Variants in SORCS1 observed in about 807,000 individuals in gnomAD.
SORCS1 encodes the protein VPS10 domain-containing receptor SorCS1.
A neutral mutation model predicts 146.1 loss-of-function variants in SORCS1; 60 were observed. The ratio of observed to expected loss-of-function variants is 0.41; its 90% CI spans 0.33 to 0.51. SORCS1 has a LOEUF of 0.51. Among genes scored for constraint, SORCS1 ranks in the 20% least tolerant of loss-of-function variants. The pLI is 0.21. For synonymous variants in SORCS1, 637 were observed against 584.0 expected (o/e 1.09, Z -1.31); for missense variants, 1,352 against 1,487.6 (o/e 0.91, Z 1.50).
chr10:106,952,922 G>A (rs961130632), intron 2 of SORCS1, among the ~76,000 whole-genome samples: 1 of 151,920 alleles, frequency 6.6e-6, no homozygotes, highest in East Asian at 1.9e-4. Context: ...GTTTGAGGCT[G>A]TAGTAAGCTG....
intron 1 of SORCS1, among the ~76,000 whole-genome samples, chr10:107,025,245 A>C: frequency 1.3e-5 from 2 of 152,262 alleles, no homozygotes; most frequent in South Asian, 4.1e-4. Context: ...AATTTCTAAC[A>C]CTCCAGCTGA....
rs191388964 is a variant in SORCS1 at position 106,992,183 on chromosome 10, G to A, written c.559-35603C>T. Among the ~76,000 whole-genome samples, 10 of 152,184 alleles carry A rather than the reference G, an allele frequency of 6.6e-5. No homozygotes were observed. The East Asian group carries it at 1.4e-3, about 21-fold the overall frequency. ...TACACACCTCTCTCAAGCACTGTTCGTCATGAGCTTAAAAGCACAGGCATG... is the reference window on the plus strand; with the variant it reads ...TACACACCTCTCTCAAGCACTGTTCATCATGAGCTTAAAAGCACAGGCATG... On this transcript the variant is annotated intron_variant, in intron 1 of 25. Coordinates refer to ENST00000263054, the MANE Select transcript of SORCS1 (RefSeq NM_052918.5).
At chr10:107,093,201 G>C (rs1286364480) in intron 1 of SORCS1, among the ~76,000 whole-genome samples, 1 of 152,098 alleles carries the variant, frequency 6.6e-6, no homozygotes, top group Non-Finnish European at 1.5e-5. Flanking sequence ...ATGTATGACT[G>C]ATTTCCACAT....
At chr10:106,704,647 G>A (rs1415790082) in intron 8 of SORCS1, among the ~76,000 whole-genome samples, 2 of 152,246 alleles carry the variant, frequency 1.3e-5, no homozygotes, top group South Asian at 2.1e-4. Context: ...CCAAGACTGC[G>A]CCACTGCACT....
At chr10:107,175,726 C>G in the SORCS1 span, among the ~76,000 whole-genome samples, 1 of 152,092 alleles carries the variant, frequency 6.6e-6, no homozygotes, top group African/African-American at 2.4e-5. Context: ...TGTGAGCCAC[C>G]GTGCCCAGCC....
At chr10:107,145,594 A>C (rs1255836000) in intron 1 of SORCS1, among the ~76,000 whole-genome samples, 1 of 152,250 alleles carries the variant, frequency 6.6e-6, no homozygotes, top group Non-Finnish European at 1.5e-5. Context: ...AGCATAAATA[A>C]AATTTAAGCA....
chr10:107,035,289 A>C lies in SORCS1; in HGVS notation c.559-78709T>G, dbSNP rs968435479. 2.5e-3 allele frequency among the ~76,000 whole-genome samples: 373 copies of C among 150,460 alleles called. 2 individuals carry two copies. Among genetic ancestry groups the C allele is most frequent in the African/African-American group, 8.8e-3 (354 of 40,368 alleles). Reference sequence around the variant, plus strand: ...AAAAAAAAAAAACAACAAAAAAAAAAACACAGAAAAACTTCACATGTAACA... The same window carrying C: ...AAAAAAAAAAAACAACAAAAAAAAACACACAGAAAAACTTCACATGTAACA... On this transcript the variant is annotated intron_variant, in intron 1 of 25. Transcript: ENST00000263054.
chr10:106,783,656 A>C (rs1861062832), intron 3 of SORCS1, among the ~76,000 whole-genome samples: 1 of 152,240 alleles, frequency 6.6e-6, no homozygotes, highest in Admixed American at 6.5e-5. Flanking sequence ...TCTTGAACAA[A>C]TAAAGATAAT....
intron 2 of SORCS1, among the ~76,000 whole-genome samples, chr10:106,899,008 A>C (rs1951595340): frequency 6.6e-6 from 1 of 152,164 alleles, no homozygotes; most frequent in Non-Finnish European, 1.5e-5. Flanking sequence ...CATGGTCCTT[A>C]GTGGTTTACC....
At chr10:107,149,454 G>A (rs1968592970) in intron 1 of SORCS1, among the ~76,000 whole-genome samples, 1 of 152,116 alleles carries the variant, frequency 6.6e-6, no homozygotes, top group Non-Finnish European at 1.5e-5. Context: ...ACTGATTTGA[G>A]AAGCATGTCC....
intron 1 of SORCS1, among the ~76,000 whole-genome samples, chr10:107,020,028 G>A (rs928011588): frequency 6.6e-6 from 1 of 152,176 alleles, no homozygotes; most frequent in African/African-American, 2.4e-5. Context: ...AATGAGCCAA[G>A]GCCATCCCAC....
At chr10:106,693,072 T>A (rs1286757120) in intron 9 of SORCS1, among the ~76,000 whole-genome samples, 1 of 152,178 alleles carries the variant, frequency 6.6e-6, no homozygotes, top group African/African-American at 2.4e-5. Flanking sequence ...GAAACATAAA[T>A]TAACCCTGTG....
chr10:106,799,945 C>T (rs1369270777), intron 3 of SORCS1, among the ~76,000 whole-genome samples: 4 of 152,140 alleles, frequency 2.6e-5, no homozygotes, highest in East Asian at 1.9e-4. Context: ...CTTCAAGTTC[C>T]TGCAAGAAGC....
chr10:107,178,006 T>C, the SORCS1 span, among the ~76,000 whole-genome samples: 3 of 151,918 alleles, frequency 2.0e-5, no homozygotes, highest in South Asian at 2.1e-4. Context: ...TGTTGGAGCA[T>C]TGGGGGTGGG....
chr10:106,883,873 C>T (rs1178709541), intron 2 of SORCS1, among the ~76,000 whole-genome samples: 1 of 152,172 alleles, frequency 6.6e-6, no homozygotes, highest in Non-Finnish European at 1.5e-5. Context: ...GCAGGAAGAA[C>T]CTGGCTTGTT....
intron 24 of SORCS1, among the ~76,000 whole-genome samples, chr10:106,581,111 C>T (rs927081580): frequency 6.6e-6 from 1 of 152,170 alleles, no homozygotes; most frequent in African/African-American, 2.4e-5. Flanking sequence ...TCAGAACTCA[C>T]CCTGCAACTG....
At chr10:106,883,978 A>AT (rs1415203600) in intron 2 of SORCS1, among the ~76,000 whole-genome samples, 6 of 151,786 alleles carry the variant, frequency 4.0e-5, no homozygotes, top group African/African-American at 7.3e-5. Context: ...ATAGATTGTT[A>AT]TTTTTTTTGC....
At chr10:106,595,591 T>C (rs1388704021) in intron 24 of SORCS1, among the ~76,000 whole-genome samples, 1 of 152,154 alleles carries the variant, frequency 6.6e-6, no homozygotes, top group African/African-American at 2.4e-5. Context: ...TAAAATATTC[T>C]ATGAAATCCA....
rs1034069535 is a variant in SORCS1 at position 106,646,983 on chromosome 10, GTATA to G, written c.2475+5395_2475+5398del. Among the ~76,000 whole-genome samples, 104 of 123,332 alleles carry G rather than the reference GTATA, an allele frequency of 8.4e-4. 1 individual carries two copies. The highest frequency in any genetic ancestry group is 3.1e-3 in the African/African-American group (100 of 32,130). The allele number at this position is 123,332 out of a possible 152,430, so 80.9% of individuals were successfully genotyped here. Reference sequence around the variant, plus strand: ...GTTTATGATATACATACATATATATGTATATATATGTGTGTTTGTATGTGTATAT... The same window carrying G: ...GTTTATGATATACATACATATATATGTATATGTGTGTTTGTATGTGTATAT... On this transcript the variant is annotated intron_variant, in intron 18 of 25. Coordinates refer to ENST00000263054, the MANE Select transcript of SORCS1 (RefSeq NM_052918.5).
Sources: allele counts gnomAD v4.1 joint callset (sites outside exome capture counted in the v4.1 genomes callset), GRCh38; gene constraint gnomAD v4.1.1; transcripts MANE v1.5; gene names NCBI Gene and HGNC (gene_info 2026-07-23, HGNC 2026-07-21).